PAIP1: variants seen among roughly 807,000 people sequenced by gnomAD.
The protein encoded by PAIP1 is polyadenylate-binding protein-interacting protein 1.
In PAIP1, 16 loss-of-function variants were observed where a neutral mutation model predicts 61.3. That is an observed-to-expected ratio of 0.26 (90% CI 0.18 to 0.40). The LOEUF is 0.40. Among genes scored for constraint, PAIP1 ranks in the 10% least tolerant of loss-of-function variants. The pLI is 1.00. For synonymous variants in PAIP1, 187 were observed against 226.2 expected (o/e 0.83, Z 1.56); for missense variants, 416 against 600.9 (o/e 0.69, Z 3.22).
At chr5:43,538,227 T>G (rs1336757300) in intron 5 of PAIP1, among the ~76,000 whole-genome samples, 2 of 152,090 alleles carry the variant, frequency 1.3e-5, no homozygotes, top group African/African-American at 4.8e-5. Flanking sequence ...TGGGGAGATG[T>G]TGGTCAAAGG....
chr5:43,545,171 T>C (rs555622270), intron 3 of PAIP1, among the ~76,000 whole-genome samples: 73 of 152,372 alleles, frequency 4.8e-4, no homozygotes, highest in Non-Finnish European at 7.8e-4. Context: ...TGTAAATTTC[T>C]TCTTATGTCT....
At chr5:43,552,021 A>G (rs1179632885) in intron 2 of PAIP1, among the ~76,000 whole-genome samples, 1 of 152,204 alleles carries the variant, frequency 6.6e-6, no homozygotes, top group Non-Finnish European at 1.5e-5. Flanking sequence ...CCAAACAGAG[A>G]TATTTTCAAG....
chr5:43,535,045 A>C (rs1166328622), intron 7 of PAIP1, 75 bp from the exon 8 acceptor site: 5 of 797,816 alleles, frequency 6.3e-6, no homozygotes, highest in South Asian at 5.8e-5. Context: ...TCAGATTCCC[A>C]AAACTTTATT....
intron 4 of PAIP1, among the ~76,000 whole-genome samples, chr5:43,541,090 G>GT (rs1260846577): frequency 6.7e-6 from 1 of 149,038 alleles, no homozygotes; most frequent in African/African-American, 2.5e-5. Context: ...TTTCCAAACT[G>GT]TATCTATATC....
At chr5:43,535,954 T>C (rs1234163248) in intron 6 of PAIP1, among the ~76,000 whole-genome samples, 1 of 147,908 alleles carries the variant, frequency 6.8e-6, no homozygotes, top group Admixed American at 6.8e-5. Context: ...TTTTGAAATA[T>C]ACAGCAAGCA....
At chr5:43,536,288 C>T (rs1747152786) in intron 6 of PAIP1, among the ~76,000 whole-genome samples, 1 of 152,104 alleles carries the variant, frequency 6.6e-6, no homozygotes, top group Non-Finnish European at 1.5e-5. Context: ...ATTTAACCTA[C>T]AAAAGTATCT....
At chr5:43,529,552 T>C (rs1427351617) in intron 10 of PAIP1, among the ~76,000 whole-genome samples, 1 of 152,170 alleles carries the variant, frequency 6.6e-6, no homozygotes, top group African/African-American at 2.4e-5. Context: ...TCTGTGATCC[T>C]GGCTAATTTT....
intron 3 of PAIP1, among the ~76,000 whole-genome samples, chr5:43,545,523 C>A (rs535008532): frequency 4.6e-5 from 7 of 152,298 alleles, no homozygotes; most frequent in South Asian, 2.1e-4. Context: ...TCATTCCATC[C>A]TTATTTTAGA....
intron 3 of PAIP1, among the ~76,000 whole-genome samples, chr5:43,543,987 T>A (rs960608208): frequency 5.3e-5 from 8 of 151,476 alleles, no homozygotes; most frequent in African/African-American, 1.9e-4. Context: ...TATAAAAAAA[T>A]TTTAAAATTA....
intron 10 of PAIP1, 102 bp from the exon 11 acceptor site, chr5:43,527,571 C>G (rs4318791): frequency 1 from 981,827 of 985,922 alleles, 489,004 homozygotes; most frequent in East Asian, 1. Context: ...CCTAGACTGA[C>G]TTATAATAGA....
At chr5:43,550,561 AG>A (rs1458645472) in intron 2 of PAIP1, among the ~76,000 whole-genome samples, 1 of 152,132 alleles carries the variant, frequency 6.6e-6, no homozygotes, top group African/African-American at 2.4e-5. Context: ...AGACACCATA[AG>A]GGCTTTGCCT....
chr5:43,549,268 C>A (rs920910650), intron 2 of PAIP1, among the ~76,000 whole-genome samples: 1 of 152,124 alleles, frequency 6.6e-6, no homozygotes, highest in Non-Finnish European at 1.5e-5. Flanking sequence ...CCAACATTGC[C>A]AATTGTCCAC....
chr5:43,544,292 C>T (rs1747545537), intron 3 of PAIP1, among the ~76,000 whole-genome samples: 1 of 151,508 alleles, frequency 6.6e-6, no homozygotes, highest in Non-Finnish European at 1.5e-5. Context: ...TAATTATTTC[C>T]TTGCTCACAT....
chr5:43,553,656 G>A (rs1747952763), intron 2 of PAIP1, among the ~76,000 whole-genome samples: 1 of 152,218 alleles, frequency 6.6e-6, no homozygotes, highest in African/African-American at 2.4e-5. Flanking sequence ...TAATTGGATT[G>A]AGAAAAACTC....
Position 43,555,987 on chromosome 5 carries a change from G to C in PAIP1, c.278C>G (p.Pro93Arg). Reference sequence around the variant, plus strand: ...CTGTGAACTAGGTGGAGCTCTCAGGGGCCTCGTTTGCTCTGCAAAAGAAAA... The same window carrying C: ...CTGTGAACTAGGTGGAGCTCTCAGGCGCCTCGTTTGCTCTGCAAAAGAAAA... ...RPGALPEQTR[P>R]LRAPPSSQDK... is the part of the protein sequence containing the mutation. The change falls in exon 2 of 11, where the codon CCC becomes CGC. Residue 93 changes from proline (P) to arginine (R), a missense_variant. This residue lies in a region of PAIP1 where 180 missense variants were observed against 211.2 expected (regional missense o/e 0.85). Coordinates refer to ENST00000306846, the MANE Select transcript of PAIP1 (RefSeq NM_006451.5). 1 of 1,611,918 alleles carries C rather than the reference G, an allele frequency of 6.2e-7. No individual in the cohort carries two copies. The highest frequency in any genetic ancestry group is 8.5e-7 in the Non-Finnish European group (1 of 1,179,380).
chr5:43,533,044 G>A (rs140375351), intron 9 of PAIP1, among the ~76,000 whole-genome samples: 406 of 152,300 alleles, frequency 2.7e-3, no homozygotes, highest in African/African-American at 9.4e-3. Flanking sequence ...ATTTAGTGAA[G>A]TTTAAGATGC....
chr5:43,527,512 T>C (rs780646275), intron 10 of PAIP1, 43 bp from the exon 11 acceptor site: 1 of 1,520,900 alleles, frequency 6.6e-7, no homozygotes, highest in Admixed American at 2.0e-5. Context: ...GTTTTTCAAC[T>C]CAGAAAGTAA....
At chr5:43,550,138 C>T (rs1260546567) in intron 2 of PAIP1, among the ~76,000 whole-genome samples, 1 of 152,114 alleles carries the variant, frequency 6.6e-6, no homozygotes, top group Non-Finnish European at 1.5e-5. Flanking sequence ...TTTTCATTCA[C>T]ATATAGTGTT....
intron 6 of PAIP1, among the ~76,000 whole-genome samples, chr5:43,536,303 A>G (rs2112388210): frequency 6.6e-6 from 1 of 152,338 alleles, no homozygotes; most frequent in Admixed American, 6.5e-5. Flanking sequence ...GTATCTGCAC[A>G]TATATATGAC....
Sources: allele counts gnomAD v4.1 joint callset (sites outside exome capture counted in the v4.1 genomes callset), GRCh38; gene constraint gnomAD v4.1.1; regional missense constraint gnomAD v4.1.1; transcripts MANE v1.5; gene names NCBI Gene and HGNC (gene_info 2026-07-23, HGNC 2026-07-21).